CNTLN: variants seen among roughly 807,000 people sequenced by gnomAD.
CNTLN encodes centlein, centrosomal protein.
CNTLN carries 212 observed loss-of-function variants against 180.0 expected under a neutral mutation model. The ratio of observed to expected loss-of-function variants is 1.18; its 90% CI spans 1.05 to 1.32. The LOEUF is 1.32. Among genes scored for constraint, CNTLN ranks in the 40% most tolerant of loss-of-function variants. CNTLN has a pLI of 0.00. For synonymous variants in CNTLN, 722 were observed against 563.1 expected (o/e 1.28, Z -3.99); for missense variants, 2,095 against 1,610.9 (o/e 1.30, Z -5.14).
intron 5 of CNTLN, among the ~76,000 whole-genome samples, chr9:17,272,946 A>T (rs755027601): frequency 2.0e-5 from 3 of 151,376 alleles, no homozygotes; most frequent in Non-Finnish European, 4.4e-5. Context: ...TCCTCCATCT[A>T]GTTGTTTATA....
At chr9:17,141,122 T>TA (rs150457699) in intron 1 of CNTLN, among the ~76,000 whole-genome samples, 2,163 of 152,330 alleles carry the variant, frequency 0.014, 20 homozygotes, top group Non-Finnish European at 0.022. Context: ...TGACAGAACT[T>TA]AGTCATATAA....
At chr9:17,277,676 A>T (rs1301483562) in intron 6 of CNTLN, among the ~76,000 whole-genome samples, 2 of 152,154 alleles carry the variant, frequency 1.3e-5, no homozygotes, top group African/African-American at 4.8e-5. Context: ...TAAGTTTATC[A>T]TGCTTGGTGG....
intron 8 of CNTLN, among the ~76,000 whole-genome samples, chr9:17,326,771 C>G (rs1008843821): frequency 6.6e-6 from 1 of 152,054 alleles, no homozygotes; most frequent in Non-Finnish European, 1.5e-5. Flanking sequence ...AAACTCATAA[C>G]CCCAGTCTAA....
Position 17,484,381 on chromosome 9 carries a change from C to G in CNTLN, c.3942C>G (p.Ala1314=). 6.2e-7 allele frequency: 1 copy of G among 1,612,802 alleles called. No individual in the cohort carries two copies. The highest frequency in any genetic ancestry group is 8.5e-7 in the Non-Finnish European group (1 of 1,179,506). ...AAAAAATGAAGAAAAACAGGGACGC[C>G]TGTAAAACCTCAACCCATAAAGCCC... ...ELKKMKKNRD[A]CKTSTHKAQT... The change falls in exon 24 of 26, where the codon GCC becomes GCG. Residue 1314 remains alanine (A), a synonymous_variant. Transcript: ENST00000380647.
intron 2 of CNTLN, among the ~76,000 whole-genome samples, chr9:17,166,629 A>G (rs559601593): frequency 1.3e-5 from 2 of 152,310 alleles, no homozygotes; most frequent in South Asian, 4.1e-4. Context: ...AGAGTTAATA[A>G]TTAGAATAAC....
Position 17,409,345 on chromosome 9 carries a change from A to G in CNTLN, c.2668A>G (p.Thr890Ala). 1 of 1,613,510 alleles carries G rather than the reference A, an allele frequency of 6.2e-7. No individual in the cohort carries two copies. The highest frequency in any genetic ancestry group is 1.1e-5 in the South Asian group (1 of 91,016). Reference sequence around the variant, plus strand: ...AACTTTGGGAACAATTATTGTAGAAACATCCCAGAAAATAAGTCCTACGGA... The same window carrying G: ...AACTTTGGGAACAATTATTGTAGAAGCATCCCAGAAAATAAGTCCTACGGA... ...SQTLGTIIVE[T>A]SQKISPTEDG... The change falls in exon 16 of 26, where the codon ACA becomes GCA. Residue 890 changes from threonine (T) to alanine (A), a missense_variant. Coordinates refer to ENST00000380647, the MANE Select transcript of CNTLN (RefSeq NM_017738.4).
intron 6 of CNTLN, among the ~76,000 whole-genome samples, chr9:17,283,978 T>G (rs571315754): frequency 5.9e-5 from 9 of 152,220 alleles, no homozygotes; most frequent in Non-Finnish European, 1.2e-4. Flanking sequence ...TTTTTGAATG[T>G]GCTGCTGTAT....
intron 2 of CNTLN, among the ~76,000 whole-genome samples, chr9:17,181,707 A>G (rs1022459001): frequency 2.6e-4 from 39 of 152,120 alleles, no homozygotes; most frequent in Admixed American, 2.6e-3. Context: ...AGCCCCTCCT[A>G]TTTACTGCCG....
intron 8 of CNTLN, among the ~76,000 whole-genome samples, chr9:17,312,341 ATTTATATATATATATATATATAT>A (rs889451264): frequency 2.1e-3 from 25 of 11,996 alleles, no homozygotes; most frequent in African/African-American, 4.0e-3. Context: ...AGATTACTGT[ATTTATATATATATATATATATAT>A]TATATATATA....
intron 5 of CNTLN, among the ~76,000 whole-genome samples, chr9:17,269,221 C>G (rs1048910645): frequency 6.6e-6 from 1 of 152,132 alleles, no homozygotes; most frequent in Non-Finnish European, 1.5e-5. Context: ...AAATCCAACT[C>G]TTATTTAAAA....
At chr9:17,331,397 G>T (rs1191873901) in intron 9 of CNTLN, among the ~76,000 whole-genome samples, 2 of 151,476 alleles carry the variant, frequency 1.3e-5, no homozygotes, top group African/African-American at 4.8e-5. Flanking sequence ...GTTGTGTTAC[G>T]CTGTAAAAGA....
At chr9:17,271,179 G>C (rs1827918707) in intron 5 of CNTLN, among the ~76,000 whole-genome samples, 1 of 152,028 alleles carries the variant, frequency 6.6e-6, no homozygotes. Flanking sequence ...CTGACCTCGT[G>C]ATCTGCCCAC....
intron 7 of CNTLN, chr9:17,299,357 ATAG>A (rs977451737): frequency 5.8e-6 from 3 of 521,022 alleles, no homozygotes; most frequent in Non-Finnish European, 2.5e-6. Context: ...TCATTTAATG[ATAG>A]TAGTTGAGGC....
chr9:17,229,418 A>T (rs1035311999), intron 3 of CNTLN, among the ~76,000 whole-genome samples: 2 of 152,066 alleles, frequency 1.3e-5, no homozygotes, highest in African/African-American at 4.8e-5. Context: ...AGATAGTGGG[A>T]TGGATTGATT....
chr9:17,285,252 G>A (rs1304933792), intron 6 of CNTLN, among the ~76,000 whole-genome samples: 8 of 148,256 alleles, frequency 5.4e-5, no homozygotes, highest in East Asian at 2.0e-4. Context: ...AGTATATGCC[G>A]TGTTTGGTTT....
Position 17,457,574 on chromosome 9 carries a change from A to G in CNTLN, c.3165A>G (p.Leu1055=). 2.6e-6 allele frequency: 4 copies of G among 1,538,612 alleles called. No individual in the cohort carries two copies. The highest frequency in any genetic ancestry group is 3.5e-6 in the Non-Finnish European group (4 of 1,141,148). ...AGLRKEKEDL[L]KKLESSSEIT... Reference sequence around the variant, plus strand: ...TTCGGAAAGAAAAAGAAGATTTACTAAAGAAATTGGAGTCCTCATCTGAAA... The same window carrying G: ...TTCGGAAAGAAAAAGAAGATTTACTGAAGAAATTGGAGTCCTCATCTGAAA... Residue 1055 remains leucine (L), a synonymous_variant, in exon 19 of 26, where the codon CTA becomes CTG. Transcript: ENST00000380647.
chr9:17,490,491 A>C (rs1220852049), intron 25 of CNTLN, among the ~76,000 whole-genome samples: 3 of 152,122 alleles, frequency 2.0e-5, no homozygotes, highest in Admixed American at 1.3e-4. Context: ...AGCCAGGCAT[A>C]AAATGTTACA....
chr9:17,350,141 A>C (rs190508054), intron 12 of CNTLN, among the ~76,000 whole-genome samples: 1 of 152,238 alleles, frequency 6.6e-6, no homozygotes, highest in African/African-American at 2.4e-5. Context: ...ACATTCTTTC[A>C]GAATGGTGAT....
intron 6 of CNTLN, 43 bp downstream of exon 6, chr9:17,273,909 T>G: frequency 7.2e-7 from 1 of 1,397,974 alleles, no homozygotes. Flanking sequence ...AGAAATGTCA[T>G]TAGTTATTCA....
Sources: allele counts gnomAD v4.1 joint callset (sites outside exome capture counted in the v4.1 genomes callset), GRCh38; gene constraint gnomAD v4.1.1; transcripts MANE v1.5; gene names NCBI Gene and HGNC (gene_info 2026-07-23, HGNC 2026-07-21).